The following CADPS2 variants were observed in gnomAD, a reference collection of about 807,000 sequenced individuals.
The protein encoded by CADPS2 is calcium-dependent secretion activator 2.
Under a neutral mutation model 172.5 loss-of-function variants are expected in CADPS2, and 93 were observed. That is an observed-to-expected ratio of 0.54 (90% CI 0.46 to 0.64). The LOEUF is 0.64. Ranked by LOEUF, CADPS2 falls within the 30% of genes least tolerant of loss-of-function variation. The pLI is 0.00. For synonymous variants in CADPS2, 546 were observed against 555.2 expected, an observed-to-expected ratio of 0.98 and a Z score of 0.23; for missense variants, 1,420 against 1,565.9, an observed-to-expected ratio of 0.91 and a Z score of 1.57.
intron 13 of CADPS2, 142 bp downstream of exon 13, chr7:122,474,239 A>G: frequency 1.1e-6 from 1 of 878,102 alleles, no homozygotes; most frequent in Non-Finnish European, 1.7e-6. Context: ...CCTCACTCCC[A>G]CTACCCTTAT....
At chr7:122,428,528 C>G (rs1186038009) in intron 17 of CADPS2, among the ~76,000 whole-genome samples, 1 of 149,356 alleles carries the variant, frequency 6.7e-6, no homozygotes, top group Non-Finnish European at 1.5e-5. Context: ...AGTACAGTGG[C>G]GCAATCACGG....
rs563451930 is a variant in CADPS2, at chr7:122,723,836, G to T, written c.453+13119C>A. On this transcript the variant is annotated intron_variant, in intron 2 of 29. Coordinates refer to ENST00000449022, the MANE Select transcript of CADPS2 (RefSeq NM_017954.11). ...AATGTGGCACATATACACCATGGAA[G>T]ACTATGCAGCCATAAAAAATGATGA... 4.9e-3 allele frequency among the ~76,000 whole-genome samples: 749 copies of T among 152,076 alleles called. 3 individuals are homozygous for T. The highest frequency in any genetic ancestry group is 8.2e-3 in the Non-Finnish European group (558 of 67,952).
rs35635790 is a variant in CADPS2 at position 122,326,075 on chromosome 7, CAAA to C, written c.3613-497_3613-495del. Among the ~76,000 whole-genome samples, 692 of 138,894 alleles carry C rather than the reference CAAA, an allele frequency of 5.0e-3. 6 individuals carry two copies. The highest frequency in any genetic ancestry group is 8.0e-3 in the Non-Finnish European group (519 of 64,804). 91.1% of individuals were successfully genotyped at this position (138,894 alleles called of 152,430 possible). A position where few individuals can be genotyped will look rare whatever the true frequency, so the allele number is the denominator to read the frequency against. On this transcript the variant is annotated intron_variant, in intron 28 of 29. Transcript: ENST00000449022. The stretch of plus-strand genomic sequence containing the variant: ...AAATTACATTTTAAAGTAGCGATGG[CAAA>C]AAAAAAAAAAAAATCTACAACTTAA...
chr7:122,449,097 A>G (rs1243815977), intron 15 of CADPS2, among the ~76,000 whole-genome samples: 1 of 152,136 alleles, frequency 6.6e-6, no homozygotes, highest in East Asian at 1.9e-4. Flanking sequence ...GAGCATGCAA[A>G]TTTATTTATT....
chr7:122,470,093 C>T (rs1362468253), intron 14 of CADPS2, among the ~76,000 whole-genome samples: 1 of 152,036 alleles, frequency 6.6e-6, no homozygotes, highest in Non-Finnish European at 1.5e-5. Flanking sequence ...TCACTTGGAA[C>T]CTATTTTTAA....
chr7:122,878,911 C>T (rs1822084957), intron 1 of CADPS2, among the ~76,000 whole-genome samples: 2 of 152,022 alleles, frequency 1.3e-5, no homozygotes, highest in Admixed American at 1.3e-4. Flanking sequence ...TGGGCCATAA[C>T]ACTTAGTAAT....
intron 17 of CADPS2, among the ~76,000 whole-genome samples, chr7:122,433,381 A>C (rs1585986327): frequency 6.7e-6 from 1 of 149,998 alleles, no homozygotes; most frequent in Admixed American, 6.7e-5. Context: ...CATAAATTAC[A>C]TTGATTTTTC....
At chr7:122,876,609 T>C (rs1232350508) in intron 1 of CADPS2, among the ~76,000 whole-genome samples, 2 of 152,102 alleles carry the variant, frequency 1.3e-5, no homozygotes, top group Non-Finnish European at 2.9e-5. Context: ...GTGATCCTTC[T>C]ACCCCAGCCT....
At position 122,363,035 on chromosome 7, in the gene CADPS2, A is replaced by G. The variant is rs117660016; in HGVS notation, c.3388-2022T>C. 6.7e-3 allele frequency among the ~76,000 whole-genome samples: 1,004 copies of G among 149,760 alleles called. 4 individuals carry two copies. Among genetic ancestry groups the G allele is most frequent in the Middle Eastern group, 0.01 (3 of 292 alleles). ...CCTAAAGGATGCCTAGGGAAAAAAA[A>G]TCCACCCACAAAATTGCGAATTGCT... On this transcript the variant is annotated intron_variant, in intron 25 of 29. Coordinates refer to ENST00000449022, the MANE Select transcript of CADPS2 (RefSeq NM_017954.11).
intron 9 of CADPS2, 46 bp downstream of exon 9, chr7:122,513,203 G>T: frequency 7.5e-7 from 1 of 1,326,222 alleles, no homozygotes; most frequent in Non-Finnish European, 1.1e-6. Flanking sequence ...CAAATTTTGA[G>T]AACTGCTATC....
At chr7:122,488,693 T>G (rs1487096885) in intron 11 of CADPS2, among the ~76,000 whole-genome samples, 1 of 152,224 alleles carries the variant, frequency 6.6e-6, no homozygotes, top group African/African-American at 2.4e-5. Flanking sequence ...GCAATCCCTC[T>G]GAAACTTAAT....
At chr7:122,632,445 A>G (rs185693899) in intron 3 of CADPS2, among the ~76,000 whole-genome samples, 1 of 152,166 alleles carries the variant, frequency 6.6e-6, no homozygotes. Flanking sequence ...TTTGATTTGC[A>G]TTTCTCTGAT....
chr7:122,866,307 T>G (rs1818302848), intron 1 of CADPS2, among the ~76,000 whole-genome samples: 1 of 152,224 alleles, frequency 6.6e-6, no homozygotes, highest in Non-Finnish European at 1.5e-5. Flanking sequence ...TAACCATTGC[T>G]ATAGTCTCCA....
chr7:122,726,697 T>A (rs1385895791), intron 2 of CADPS2, among the ~76,000 whole-genome samples: 1 of 151,404 alleles, frequency 6.6e-6, no homozygotes, highest in Non-Finnish European at 1.5e-5. Context: ...GAAATGGGAT[T>A]ATTTACTCTT....
chr7:122,753,339 T>G (rs2093026433), intron 1 of CADPS2, among the ~76,000 whole-genome samples: 1 of 152,208 alleles, frequency 6.6e-6, no homozygotes, highest in Non-Finnish European at 1.5e-5. Flanking sequence ...TACAGTTTTC[T>G]AAATACATGC....
chr7:122,575,702 G>T (rs1020672074), intron 7 of CADPS2, among the ~76,000 whole-genome samples: 6 of 152,110 alleles, frequency 3.9e-5, no homozygotes, highest in African/African-American at 1.4e-4. Flanking sequence ...CTCCCAAAGT[G>T]TTGGGATTAC....
chr7:122,836,749 C>T (rs934647086), intron 1 of CADPS2, among the ~76,000 whole-genome samples: 1 of 152,098 alleles, frequency 6.6e-6, no homozygotes, highest in Non-Finnish European at 1.5e-5. Flanking sequence ...ATATATGCAC[C>T]CAATACAGGA....
chr7:122,428,452 CAT>C (rs35344551), intron 17 of CADPS2, among the ~76,000 whole-genome samples: 1,485 of 144,442 alleles, frequency 0.01, 16 homozygotes, highest in Middle Eastern at 0.034. Context: ...TATATACACA[CAT>C]ATATATATAT....
At chr7:122,354,085 A>C (rs1052512038) in intron 27 of CADPS2, among the ~76,000 whole-genome samples, 2 of 152,190 alleles carry the variant, frequency 1.3e-5, no homozygotes, top group Admixed American at 6.5e-5. Flanking sequence ...TAAAAAGAAA[A>C]TGTTGCCTTG....
Sources: allele counts gnomAD v4.1 joint callset (sites outside exome capture counted in the v4.1 genomes callset), GRCh38; gene constraint gnomAD v4.1.1; transcripts MANE v1.5; gene names NCBI Gene and HGNC (gene_info 2026-07-23, HGNC 2026-07-21).